Variants in MESP1 observed in about 807,000 individuals in gnomAD.
MESP1 encodes mesoderm posterior bHLH transcription factor 1.
MESP1 carries 22 observed loss-of-function variants against 15.2 expected under a neutral mutation model. The ratio of observed to expected loss-of-function variants is 1.45; its 90% CI spans 1.04 to 2.07. MESP1 has a LOEUF of 2.07. MESP1 is among the 30% of genes most tolerant of loss of function. The pLI is 0.00. For synonymous variants in MESP1, 216 were observed against 192.6 expected (o/e 1.12, Z -1.01); for missense variants, 484 against 411.9 (o/e 1.17, Z -1.51).
At chr15:89,736,048 C>T in the MESP1 span, among the ~76,000 whole-genome samples, 2 of 152,162 alleles carry the variant, frequency 1.3e-5, no homozygotes, top group South Asian at 4.1e-4. Flanking sequence ...TGGGCCAGAC[C>T]ATGGAAGGTC....
At chr15:89,735,674 G>A in the MESP1 span, 1 of 986,708 alleles carries the variant, frequency 1.0e-6, no homozygotes, top group Non-Finnish European at 1.6e-6. Flanking sequence ...CACTGGACTA[G>A]CTTTCGGGTT....
chr15:89,748,440 C>G (rs75705600), downstream of MESP1, among the ~76,000 whole-genome samples: 3 of 152,344 alleles, frequency 2.0e-5, no homozygotes, highest in South Asian at 6.2e-4. Context: ...TCTGCATTAC[C>G]GCCCCTCCTG....
rs748678408 is a variant in MESP1 at position 89,750,866 on chromosome 15, C to T, written c.366G>A (p.Lys122=). Residue 122 remains lysine, a synonymous_variant, in exon 1 of 2, where the codon AAG becomes AAA. Transcript: ENST00000300057. ...GGATAGCCAGGCGCAGCGTCTCGAT[C>T]TTGGTCAGGCTCTGGCCCGCGGGCG... ...SVAPAGQSLT[K]IETLRLAIRY... 29 of 1,527,196 alleles carry T rather than the reference C, an allele frequency of 1.9e-5. No homozygotes were observed. Among genetic ancestry groups the T allele is most frequent in the African/African-American group, 1.3e-4 (9 of 69,966 alleles). The allele number at this position is 1,527,196 out of a possible 1,614,324, so 94.6% of individuals were successfully genotyped here.
chr15:89,750,416 G>T (rs754148659), intron 1 of MESP1, 93 bp downstream of exon 1: 35 of 1,455,528 alleles, frequency 2.4e-5, no homozygotes, highest in Non-Finnish European at 3.2e-5. Flanking sequence ...GCTGCCGGCG[G>T]GGAGCAGCAG....
chr15:89,750,096 A>T lies in MESP1; in HGVS notation c.*48T>A. 1 of 1,572,858 alleles carries T rather than the reference A, an allele frequency of 6.4e-7. No individual in the cohort carries two copies. Among genetic ancestry groups the T allele is most frequent in the South Asian group, 1.1e-5 (1 of 90,274 alleles). On this transcript the variant is annotated 3_prime_UTR_variant, in exon 2 of 2. Coordinates refer to ENST00000300057, the MANE Select transcript of MESP1 (RefSeq NM_018670.4). ...CCAAGGAACCACTTCGAAGGTGCTG[A>T]GGCCAAAAAGCCTCGGTGCTCACAG...
In MESP1 at chr15:89,750,950, G is replaced by A. The variant is rs766213953; in HGVS notation, c.282C>T (p.Arg94=). The change falls in exon 1 of 2, where the codon CGC becomes CGT. Residue 94 remains arginine, a synonymous_variant. Transcript: ENST00000300057. ...GCAGGGCGCGGGCCAGCGTGCGCAT[G>A]CGCAGTTTCTCCCGCTCACTGGCGC... ...RQSASEREKL[R]MRTLARALHE... The A allele has an allele frequency of 6.9e-7, 1 of 1,448,188 alleles. No homozygotes were observed. The highest frequency in any genetic ancestry group is 1.5e-5 in the African/African-American group (1 of 68,154). The allele number at this position is 1,448,188 out of a possible 1,614,324, so 89.7% of individuals were successfully genotyped here.
downstream of MESP1, among the ~76,000 whole-genome samples, chr15:89,747,340 G>A (rs1967990723): frequency 6.6e-6 from 1 of 152,118 alleles, no homozygotes; most frequent in African/African-American, 2.4e-5. Flanking sequence ...CAAATTTTAA[G>A]CCCCAAGCAC....
At chr15:89,750,414 CG>C in intron 1 of MESP1, 94 bp downstream of exon 1, 1 of 1,448,974 alleles carries the variant, frequency 6.9e-7, no homozygotes, top group Non-Finnish European at 9.1e-7. Context: ...AGGCTGCCGG[CG>C]GGGAGCAGCA....
chr15:89,738,893 T>C, the MESP1 span, among the ~76,000 whole-genome samples: 2 of 152,092 alleles, frequency 1.3e-5, no homozygotes, highest in East Asian at 1.9e-4. Flanking sequence ...GGTGGGCAGA[T>C]TGCTTGAGCT....
the MESP1 span, among the ~76,000 whole-genome samples, chr15:89,740,113 G>C: frequency 4.6e-5 from 7 of 152,186 alleles, no homozygotes; most frequent in Non-Finnish European, 1.0e-4. Context: ...AAGGTATTAA[G>C]TGGGATGATA....
At chr15:89,737,581 C>T in the MESP1 span, 1 of 1,614,220 alleles carries the variant, frequency 6.2e-7, no homozygotes, top group Admixed American at 1.7e-5. Flanking sequence ...AGGTGCTCAT[C>T]TTTTCCAAGA....
chr15:89,750,968 A>C lies in MESP1; in HGVS notation c.264T>G (p.Ser88Arg). 7.0e-7 allele frequency: 1 copy of C among 1,437,926 alleles called. No homozygotes were observed. Among genetic ancestry groups the C allele is most frequent in the Non-Finnish European group, 9.1e-7 (1 of 1,100,110 alleles). 89.1% of individuals were successfully genotyped at this position (1,437,926 alleles called of 1,614,324 possible). The change falls in exon 1 of 2, where the codon AGT becomes AGG. Residue 88 changes from serine (S) to arginine (R), a missense_variant. Coordinates refer to ENST00000300057, the MANE Select transcript of MESP1 (RefSeq NM_018670.4). ...RLGSGQRQSA[S>R]EREKLRMRTL... is the part of the protein sequence containing the mutation. ...TGCGCATGCGCAGTTTCTCCCGCTC[A>C]CTGGCGCTCTGCCTCTGCCCGCTGC...
downstream of MESP1, among the ~76,000 whole-genome samples, chr15:89,746,124 CTCCACACAGCATCCACACAGCA>C (rs527452838): frequency 6.8e-6 from 1 of 147,290 alleles, no homozygotes; most frequent in African/African-American, 2.6e-5. Flanking sequence ...GCATCCACAC[CTCCACACAGCATCCACACAGCA>C]TCCACACAGC....
At position 89,750,544 on chromosome 15, in the gene MESP1, C is replaced by A; in HGVS notation, c.688G>T (p.Glu230Ter). 6.7e-7 allele frequency: 1 copy of A among 1,489,542 alleles called. No homozygotes were observed. Among genetic ancestry groups the A allele is most frequent in the Non-Finnish European group, 8.9e-7 (1 of 1,127,674 alleles). 92.3% of individuals were successfully genotyped at this position (1,489,542 alleles called of 1,614,324 possible). A position where few individuals can be genotyped will look rare whatever the true frequency, so the allele number is the denominator to read the frequency against. ...GGGCTTGGCTCCATCGCCTGCCCTT[C>A]AGGGCACGCCGCCTCGGCGAACAGC... The part of the protein sequence containing the change: ...PALFAEAACP[E>*]GQAMEPSPPS... Residue 230 changes from glutamate (E) to a stop codon, truncating the protein, a stop_gained, in exon 1 of 2, where the codon GAA becomes TAA. Transcript: ENST00000300057. LOFTEE classifies it low-confidence loss of function (END_TRUNC).
the MESP1 span, among the ~76,000 whole-genome samples, chr15:89,733,405 G>A: frequency 1.3e-5 from 2 of 152,150 alleles, no homozygotes; most frequent in Non-Finnish European, 2.9e-5. Context: ...AAAATTGTAT[G>A]ATAGCACAGA....
At chr15:89,746,341 A>C (rs1343717581), downstream of MESP1, among the ~76,000 whole-genome samples, 7 of 119,862 alleles carry the variant, frequency 5.8e-5, no homozygotes, top group African/African-American at 1.5e-4. Context: ...ACCTCCACAC[A>C]TCCACACATC....
the MESP1 span, among the ~76,000 whole-genome samples, chr15:89,734,830 C>A: frequency 0.024 from 3,706 of 151,966 alleles, 163 homozygotes; most frequent in African/African-American, 0.085. Flanking sequence ...GTGAAAAGAA[C>A]AAAAATTATT....
In MESP1 at chr15:89,750,878, C is replaced by T. The variant is rs927850171; in HGVS notation, c.354G>A (p.Gln118=). ...GCAGCGTCTCGATCTTGGTCAGGCT[C>T]TGGCCCGCGGGCGCCACGGACGGCG... is the stretch of plus-strand genomic sequence containing the variant. ...FLPPSVAPAG[Q]SLTKIETLRL... Residue 118 remains glutamine, a synonymous_variant, in exon 1 of 2, where the codon CAG becomes CAA. Coordinates refer to ENST00000300057, the MANE Select transcript of MESP1 (RefSeq NM_018670.4). 1.9e-5 allele frequency: 29 copies of T among 1,511,522 alleles called. No individual in the cohort carries two copies. Among genetic ancestry groups the T allele is most frequent in the Non-Finnish European group, 2.4e-5 (27 of 1,136,116 alleles). The allele number at this position is 1,511,522 out of a possible 1,614,324, so 93.6% of individuals were successfully genotyped here. A position where few individuals can be genotyped will look rare whatever the true frequency, so the allele number is the denominator to read the frequency against.
chr15:89,749,910 T>G lies in MESP1; in HGVS notation c.*234A>C. ...ACAGTTTATTCACAAATAAATAAAT[T>G]CACATTAGGCAGAGCCTCCTGCTTG... On this transcript the variant is annotated 3_prime_UTR_variant, in exon 2 of 2. Coordinates refer to ENST00000300057, the MANE Select transcript of MESP1 (RefSeq NM_018670.4). The G allele has an allele frequency of 1.9e-6, 1 of 540,298 alleles. No individual in the cohort carries two copies. The highest frequency in any genetic ancestry group is 3.4e-6 in the Non-Finnish European group (1 of 298,444). The allele number at this position is 540,298 out of a possible 1,614,324, so 33.5% of individuals were successfully genotyped here. A position where few individuals can be genotyped will look rare whatever the true frequency, so the allele number is the denominator to read the frequency against.
Sources: allele counts gnomAD v4.1 joint callset (sites outside exome capture counted in the v4.1 genomes callset), GRCh38; gene constraint gnomAD v4.1.1; transcripts MANE v1.5; gene names NCBI Gene and HGNC (gene_info 2026-07-23, HGNC 2026-07-21).